Variants in DDB2 observed in about 807,000 individuals in gnomAD.
DDB2 encodes DNA damage-binding protein 2.
In DDB2, 27 loss-of-function variants were observed where a neutral mutation model predicts 50.5. The ratio of observed to expected loss-of-function variants is 0.53; its 90% CI spans 0.39 to 0.74. The LOEUF is 0.74. DDB2 is among the 30% of genes least tolerant of loss of function. DDB2 has a pLI of 0.00. For synonymous variants in DDB2, 176 were observed against 205.5 expected, an observed-to-expected ratio of 0.86 and a Z score of 1.23; for missense variants, 424 against 545.6, an observed-to-expected ratio of 0.78 and a Z score of 2.22.
rs1953695405 is a variant in DDB2 at position 47,234,572 on chromosome 11, G to A, written c.603-1G>A. 6.2e-7 allele frequency: 1 copy of A among 1,613,334 alleles called. No homozygotes were observed. Among genetic ancestry groups the A allele is most frequent in the Admixed American group, 1.7e-5 (1 of 59,988 alleles). ...TCTTACAACACAGTCTCTCCCTCCA[G>A]CATCTGGTTTTGTAGCCTGGATGTG... On this transcript the variant is annotated splice_acceptor_variant, in intron 4 of 9. Transcript: ENST00000256996. LOFTEE classifies it high-confidence loss of function.
chr11:47,226,732 GCC>G (rs1203452491), intron 3 of DDB2, among the ~76,000 whole-genome samples: 9 of 111,232 alleles, frequency 8.1e-5, no homozygotes, highest in African/African-American at 3.0e-4. Flanking sequence ...CAAGTCCTTT[GCC>G]TTTTTTTTTT....
chr11:47,237,434 CTTT>C (rs564311013), intron 7 of DDB2, among the ~76,000 whole-genome samples: 4 of 139,204 alleles, frequency 2.9e-5, no homozygotes, highest in African/African-American at 5.3e-5. Context: ...GCAAATACTA[CTTT>C]TTTTTTTTTT....
chr11:47,216,223 G>C (rs749269642), intron 1 of DDB2, 113 bp from the exon 2 acceptor site: 1 of 1,501,498 alleles, frequency 6.7e-7, no homozygotes, highest in Non-Finnish European at 9.3e-7. Flanking sequence ...GCCGCAGGAG[G>C]TGATGAGACA....
Position 47,223,383 on chromosome 11 carries a change from G to A in DDB2, c.456+6334G>A, listed in dbSNP as rs1953513597. Among the ~76,000 whole-genome samples the A allele has an allele frequency of 2.0e-5, 3 of 152,112 alleles. 1 individual carries two copies. Among genetic ancestry groups the A allele is most frequent in the Admixed American group, 2.0e-4 (3 of 15,262 alleles). ...ACCAGTAATCCCAGCTACCCGGGAG[G>A]CTGAGGCATGAGAATCTTGAACCTG... is the stretch of plus-strand genomic sequence containing the variant. On this transcript the variant is annotated intron_variant, in intron 3 of 9. Transcript: ENST00000256996.
chr11:47,232,839 G>A lies in DDB2; in HGVS notation c.482G>A (p.Gly161Glu), dbSNP rs1953668566. The A allele has an allele frequency of 6.2e-7, 1 of 1,613,834 alleles. No homozygotes were observed. The highest frequency in any genetic ancestry group is 8.5e-7 in the Non-Finnish European group (1 of 1,180,030). Residue 161 changes from glycine to glutamate, a missense_variant, in exon 4 of 10, where the codon GGG becomes GAG. Physicochemically the swap from Gly to Glu is moderately conservative, Grantham distance 98 (BLOSUM62 -2). Transcript: ENST00000256996. ...ATTGGAGCTGGAGGGAGCATCACTG[G>A]GCTGAAGTTTAACCCTCTCAATACC... ...KGIGAGGSIT[G>E]LKFNPLNTNQ...
At chr11:47,216,548 A>T (rs2135485164) in intron 2 of DDB2, 76 bp downstream of exon 2, 2 of 1,593,862 alleles carry the variant, frequency 1.3e-6, no homozygotes, top group South Asian at 2.2e-5. Flanking sequence ...AAATTAGATG[A>T]TGGCTTGGTT....
intron 7 of DDB2, 142 bp from the exon 8 acceptor site, chr11:47,237,694 CA>C (rs1171918747): frequency 1.2e-6 from 1 of 826,070 alleles, no homozygotes; most frequent in Admixed American, 2.0e-5. Flanking sequence ...CTCAGCCTCC[CA>C]AAGTGTTGAG....
intron 3 of DDB2, among the ~76,000 whole-genome samples, chr11:47,229,094 G>C (rs1288499529): frequency 6.6e-6 from 1 of 151,694 alleles, no homozygotes; most frequent in Non-Finnish European, 1.5e-5. Context: ...GATCAAGCAA[G>C]ATAGATGTTT....
rs1237614730 is a variant in DDB2 at position 47,235,668 on chromosome 11, T to A, written c.1023+256T>A. 3 of 544,598 alleles carry A rather than the reference T, an allele frequency of 5.5e-6. No individual in the cohort carries two copies. The African/African-American group carries it at 5.7e-5, about 10-fold the overall frequency. 33.7% of individuals were successfully genotyped at this position (544,598 alleles called of 1,614,324 possible). ...TTTCAGCCCAGCTCTGATCTCACTG[T>A]GAGAATTTTCTAAGATCCTGACCCT... On this transcript the variant is annotated intron_variant, in intron 7 of 9. Transcript: ENST00000256996.
chr11:47,233,195 C>T (rs1343074144), intron 4 of DDB2: 1 of 577,376 alleles, frequency 1.7e-6, no homozygotes, highest in Non-Finnish European at 3.1e-6. Flanking sequence ...GTAAGTCATA[C>T]CTGTATTAGA....
intron 3 of DDB2, among the ~76,000 whole-genome samples, chr11:47,231,441 G>GAAATGAAA (rs1953648200): frequency 6.6e-6 from 1 of 152,182 alleles, no homozygotes; most frequent in Non-Finnish European, 1.5e-5. Flanking sequence ...AATCTCAGAG[G>GAAATGAAA]CATGATGAGT....
chr11:47,233,048 C>G (rs576538311), intron 4 of DDB2, 89 bp downstream of exon 4: 1 of 1,437,428 alleles, frequency 7.0e-7, no homozygotes, highest in Non-Finnish European at 9.8e-7. Flanking sequence ...TTAACCCAAC[C>G]TGGCCCAGGG....
At chr11:47,235,020 G>A (rs1235130689) in intron 6 of DDB2, 86 bp downstream of exon 6, 60 of 1,496,036 alleles carry the variant, frequency 4.0e-5, no homozygotes, top group Non-Finnish European at 4.8e-5. Flanking sequence ...AAGCCACTAC[G>A]TCAAACCTTT....
intron 1 of DDB2, chr11:47,215,633 C>G (rs1021543053): frequency 5.8e-6 from 2 of 346,130 alleles, no homozygotes; most frequent in Admixed American, 4.1e-5. Context: ...TGTGAGAGCC[C>G]CCAATTCCTT....
chr11:47,234,487 T>C (rs1309143175), intron 4 of DDB2, 86 bp from the exon 5 acceptor site: 2 of 1,005,432 alleles, frequency 2.0e-6, no homozygotes, highest in Admixed American at 3.4e-5. Context: ...GAATGCCCGC[T>C]GTGGGTTAGT....
intron 3 of DDB2, among the ~76,000 whole-genome samples, chr11:47,230,838 T>G (rs952906354): frequency 2.0e-5 from 3 of 152,140 alleles, no homozygotes; most frequent in African/African-American, 7.2e-5. Flanking sequence ...AAACAGTGCC[T>G]GACTGGGCGC....
At position 47,231,131 on chromosome 11, in the gene DDB2, A is replaced by AC. The variant is rs1488536305; in HGVS notation, c.457-1683_457-1682insC. The stretch of plus-strand genomic sequence containing the variant: ...CAAGCCTTCATCTCAAAAAAAAAAA[A>AC]AAAAAAAAAAAAACACACAAAGAAA... On this transcript the variant is annotated intron_variant, in intron 3 of 9. Coordinates refer to ENST00000256996, the MANE Select transcript of DDB2 (RefSeq NM_000107.3). Among the ~76,000 whole-genome samples, 4 of 151,176 alleles carry AC rather than the reference A, an allele frequency of 2.6e-5. No individual in the cohort carries two copies. The East Asian group carries it at 7.7e-4, about 29-fold the overall frequency.
chr11:47,237,596 A>C, intron 7 of DDB2: 3 of 443,948 alleles, frequency 6.8e-6, no homozygotes, highest in Admixed American at 3.3e-5. Context: ...ACGCCCAGCT[A>C]ATTTTTTTTT....
At chr11:47,223,170 T>G (rs1049850240) in intron 3 of DDB2, among the ~76,000 whole-genome samples, 3 of 152,260 alleles carry the variant, frequency 2.0e-5, no homozygotes, top group Admixed American at 6.5e-5. Flanking sequence ...TGTTCACAGT[T>G]TTCTCCTGTC....
Sources: gnomAD v4.1 joint callset for allele counts (sites outside exome capture counted in the v4.1 genomes callset) on GRCh38, gnomAD v4.1.1 for gene constraint, MANE v1.5 for transcripts, NCBI Gene and HGNC (gene_info 2026-07-23, HGNC 2026-07-21) for gene names.